The following KCNIP1 variants were observed in gnomAD, a reference collection of about 807,000 sequenced individuals.
The protein encoded by KCNIP1 is potassium voltage-gated channel interacting protein 1.
KCNIP1 carries 18 observed loss-of-function variants against 33.0 expected under a neutral mutation model. The observed-to-expected ratio is 0.55, with a 90% CI of 0.38 to 0.81. The LOEUF (loss-of-function observed/expected upper bound fraction) is 0.81. Among genes scored for constraint, KCNIP1 ranks in the 30% least tolerant of loss-of-function variants. The pLI, the probability that KCNIP1 is intolerant of heterozygous loss-of-function variation, is 0.00. For missense variants in KCNIP1, 238 were observed against 271.6 expected (o/e 0.88, Z 0.87); for synonymous variants, 93 against 98.3 (o/e 0.95, Z 0.32).
intron 1 of KCNIP1, among the ~76,000 whole-genome samples, chr5:170,535,041 G>T (rs1755927735): frequency 6.6e-6 from 1 of 152,124 alleles, no homozygotes; most frequent in African/African-American, 2.4e-5. Flanking sequence ...TCCTCCCCAT[G>T]GCTGCAGACC....
intron 1 of KCNIP1, among the ~76,000 whole-genome samples, chr5:170,354,397 T>A (rs994263708): frequency 2.6e-5 from 4 of 152,118 alleles, no homozygotes; most frequent in Non-Finnish European, 5.9e-5. Flanking sequence ...TGGGAGGTGG[T>A]GATGGGCCGG....
intron 1 of KCNIP1, among the ~76,000 whole-genome samples, chr5:170,466,774 T>A (rs1756617640): frequency 6.6e-6 from 1 of 152,170 alleles, no homozygotes; most frequent in South Asian, 2.1e-4. Flanking sequence ...ATCCCATTCA[T>A]GAAGACTCCA....
intron 1 of KCNIP1, among the ~76,000 whole-genome samples, chr5:170,663,400 G>A (rs941449606): frequency 6.6e-5 from 10 of 152,142 alleles, no homozygotes; most frequent in African/African-American, 1.9e-4. Context: ...AAAGGAGGGT[G>A]CCTGGGCTTC....
chr5:170,579,501 A>T (rs924854852), intron 1 of KCNIP1, among the ~76,000 whole-genome samples: 1 of 152,082 alleles, frequency 6.6e-6, no homozygotes, highest in African/African-American at 2.4e-5. Context: ...CTGGCCCTAG[A>T]TCTCACCAGT....
Position 170,504,732 on chromosome 5 carries a change from C to T in KCNIP1, c.61+99C>T. On this transcript the variant is annotated intron_variant, in intron 1 of 7. Coordinates refer to ENST00000328939, the MANE Select transcript of KCNIP1 (RefSeq NM_014592.4). The surrounding 1 kb of genome is among the most constrained non-coding windows in gnomAD (Gnocchi z 6.0). Reference sequence around the variant, plus strand: ...TGCCTCCCTTAGTCCGGACTCTCCTCTCCACGAGGAGCCCGGACAGGTGCT... The same window carrying T: ...TGCCTCCCTTAGTCCGGACTCTCCTTTCCACGAGGAGCCCGGACAGGTGCT... 2 of 995,946 alleles carry T rather than the reference C, an allele frequency of 2.0e-6. No individual in the cohort carries two copies. The highest frequency in any genetic ancestry group is 3.2e-6 in the Non-Finnish European group (2 of 627,876). The allele number at this position is 995,946 out of a possible 1,614,324, so 61.7% of individuals were successfully genotyped here. A position where few individuals can be genotyped will look rare whatever the true frequency, so the allele number is the denominator to read the frequency against.
chr5:170,503,016 C>G (rs115066316), upstream of KCNIP1, among the ~76,000 whole-genome samples: 1 of 152,094 alleles, frequency 6.6e-6, no homozygotes, highest in Non-Finnish European at 1.5e-5. Context: ...ACTAACAACC[C>G]GTGCCCAGGA....
intron 1 of KCNIP1, among the ~76,000 whole-genome samples, chr5:170,536,678 C>T (rs1466865957): frequency 6.6e-6 from 1 of 152,142 alleles, no homozygotes; most frequent in Non-Finnish European, 1.5e-5. Flanking sequence ...TTAAGGAAAG[C>T]GGAGCTACCC....
intron 1 of KCNIP1, among the ~76,000 whole-genome samples, chr5:170,439,135 G>C (rs1469987360): frequency 6.6e-6 from 1 of 152,134 alleles, no homozygotes; most frequent in Non-Finnish European, 1.5e-5. Flanking sequence ...ACATGCCTGG[G>C]GAAGACTGAA....
intron 1 of KCNIP1, among the ~76,000 whole-genome samples, chr5:170,668,572 T>C (rs578117342): frequency 1.3e-5 from 2 of 152,332 alleles, no homozygotes; most frequent in South Asian, 2.1e-4. Context: ...AATAAAGAGA[T>C]TGGCATACAG....
intron 1 of KCNIP1, among the ~76,000 whole-genome samples, chr5:170,515,069 A>T (rs73313443): frequency 6.6e-6 from 1 of 152,284 alleles, no homozygotes; most frequent in Admixed American, 6.5e-5. Context: ...GGAAGAAGTG[A>T]CTTGCCCAAG....
chr5:170,436,893 T>C (rs1274700159), intron 1 of KCNIP1, among the ~76,000 whole-genome samples: 1 of 152,182 alleles, frequency 6.6e-6, no homozygotes, highest in Non-Finnish European at 1.5e-5. Context: ...AAAGATTTCT[T>C]TCCTCATCCA....
intron 1 of KCNIP1, among the ~76,000 whole-genome samples, chr5:170,445,873 A>G (rs1412538891): frequency 6.6e-6 from 1 of 152,180 alleles, no homozygotes; most frequent in African/African-American, 2.4e-5. Flanking sequence ...CTAACTCTTT[A>G]ATCCTAATTC....
At chr5:170,580,228 T>C (rs6892193) in intron 1 of KCNIP1, among the ~76,000 whole-genome samples, 59,435 of 152,078 alleles carry the variant, frequency 0.39, 11,856 homozygotes, top group East Asian at 0.55. Flanking sequence ...AAAACTGCTC[T>C]GAGAGATCTT....
rs137900415 is a variant in KCNIP1 at position 170,637,064 on chromosome 5, T to C, written c.62-81694T>C. On this transcript the variant is annotated intron_variant, in intron 1 of 7. Transcript: ENST00000328939. ...CCACTGAATGAAAGCATGCGTGCATTCAAAATAGACAGCCAATCAGCAGCC... is the reference window on the plus strand; with the variant it reads ...CCACTGAATGAAAGCATGCGTGCATCCAAAATAGACAGCCAATCAGCAGCC... Among the ~76,000 whole-genome samples, 514 of 152,180 alleles carry C rather than the reference T, an allele frequency of 3.4e-3. 1 individual carries two copies. The highest frequency in any genetic ancestry group is 0.012 in the African/African-American group (485 of 41,514).
At chr5:170,556,059 C>CG (rs1362359096) in intron 1 of KCNIP1, among the ~76,000 whole-genome samples, 2 of 152,182 alleles carry the variant, frequency 1.3e-5, no homozygotes, top group African/African-American at 4.8e-5. Flanking sequence ...ACAACTCAAC[C>CG]GTTTAGTGAA....
chr5:170,412,550 G>A (rs369807702), intron 1 of KCNIP1, among the ~76,000 whole-genome samples: 12 of 152,174 alleles, frequency 7.9e-5, no homozygotes, highest in African/African-American at 2.9e-4. Context: ...CCAGAAATGT[G>A]ACTTCTGGAG....
upstream of KCNIP1, among the ~76,000 whole-genome samples, chr5:170,502,331 G>A (rs140063406): frequency 6.6e-3 from 1,000 of 152,324 alleles, 6 homozygotes; most frequent in Non-Finnish European, 9.0e-3. Flanking sequence ...TGCTGCACAG[G>A]TGAAGAAAAC....
intron 1 of KCNIP1, among the ~76,000 whole-genome samples, chr5:170,520,757 C>T (rs534608148): frequency 6.6e-6 from 1 of 152,340 alleles, no homozygotes; most frequent in South Asian, 2.1e-4. Flanking sequence ...AGCAGCCGGA[C>T]TCTGGGGCTG....
At chr5:170,579,299 C>A (rs189997115) in intron 1 of KCNIP1, among the ~76,000 whole-genome samples, 4 of 152,134 alleles carry the variant, frequency 2.6e-5, no homozygotes. Context: ...TAGAATATAG[C>A]ATTTAGGGCC....
Sources: allele counts gnomAD v4.1 joint callset (sites outside exome capture counted in the v4.1 genomes callset), GRCh38; gene constraint gnomAD v4.1.1; non-coding constraint Gnocchi (gnomAD v3.1); transcripts MANE v1.5; gene names NCBI Gene and HGNC (gene_info 2026-07-23, HGNC 2026-07-21).